The following METTL24 variants were observed in gnomAD, a reference collection of about 807,000 sequenced individuals.
The protein encoded by METTL24 is methyltransferase like 24.
Under a neutral mutation model 32.7 loss-of-function variants are expected in METTL24, and 29 were observed. That is an observed-to-expected ratio of 0.89 (90% CI 0.66 to 1.21). METTL24 has a LOEUF of 1.21. Ranked by LOEUF, METTL24 falls within the 50% of genes most tolerant of loss-of-function variation. The pLI is 0.00. For missense variants in METTL24, 439 were observed against 468.1 expected (o/e 0.94, Z 0.57); for synonymous variants, 163 against 179.5 (o/e 0.91, Z 0.73).
chr6:110,280,340 T>A (rs528567236), intron 4 of METTL24, among the ~76,000 whole-genome samples: 28 of 152,168 alleles, frequency 1.8e-4, no homozygotes, highest in Non-Finnish European at 3.5e-4. Flanking sequence ...ATCTTGGATA[T>A]TTTTCCATAT....
At chr6:110,357,517 C>G (rs1318314305) in intron 1 of METTL24, 1 of 152,368 alleles carries the variant, frequency 6.6e-6, no homozygotes, top group Non-Finnish European at 1.5e-5. Flanking sequence ...CACGGCGATA[C>G]CCACCCAACT....
At chr6:110,307,741 A>G (rs1307610132) in intron 3 of METTL24, among the ~76,000 whole-genome samples, 1 of 152,200 alleles carries the variant, frequency 6.6e-6, no homozygotes, top group African/African-American at 2.4e-5. Flanking sequence ...AGGGAGAATA[A>G]ATATTGAGGG....
At chr6:110,276,211 T>C (rs1407732396) in intron 4 of METTL24, among the ~76,000 whole-genome samples, 2 of 152,140 alleles carry the variant, frequency 1.3e-5, no homozygotes, top group East Asian at 1.9e-4. Flanking sequence ...GGCCCAAGGA[T>C]TGCATAAGGC....
chr6:110,297,234 T>C (rs1423247600), intron 4 of METTL24, among the ~76,000 whole-genome samples: 1 of 152,228 alleles, frequency 6.6e-6, no homozygotes, highest in African/African-American at 2.4e-5. Context: ...AAAGGTCTCA[T>C]GCTTTATCCT....
intron 4 of METTL24, among the ~76,000 whole-genome samples, chr6:110,268,770 A>T (rs1447481063): frequency 6.6e-6 from 1 of 152,136 alleles, no homozygotes; most frequent in Non-Finnish European, 1.5e-5. Context: ...ACATTTTATA[A>T]AACTCCATAC....
chr6:110,258,313 C>G (rs1562217502), intron 4 of METTL24, among the ~76,000 whole-genome samples: 1 of 152,150 alleles, frequency 6.6e-6, no homozygotes, highest in African/African-American at 2.4e-5. Flanking sequence ...ACATGATAGC[C>G]AAAAGCCATC....
rs138504328 is a variant in METTL24, at chr6:110,315,817, G to T, written c.418-336C>A. On this transcript the variant is annotated intron_variant, in intron 2 of 4. Transcript: ENST00000338882. ...TGTCAGGAAGCCTTTGTAGAGGGGT[G>T]CTAGTCCTGGAGGATGAACCGAGAG... 1.5e-3 allele frequency among the ~76,000 whole-genome samples: 227 copies of T among 152,310 alleles called. 2 individuals carry two copies. The highest frequency in any genetic ancestry group is 5.1e-3 in the African/African-American group (214 of 41,576).
intron 4 of METTL24, among the ~76,000 whole-genome samples, chr6:110,296,104 C>T (rs1771413732): frequency 1.3e-5 from 2 of 152,136 alleles, no homozygotes; most frequent in African/African-American, 2.4e-5. Context: ...GATTAATGAG[C>T]TTACATAGAG....
chr6:110,301,118 T>C (rs1771509802), intron 3 of METTL24, among the ~76,000 whole-genome samples: 1 of 152,174 alleles, frequency 6.6e-6, no homozygotes, highest in Non-Finnish European at 1.5e-5. Context: ...TCCGACTGCA[T>C]CCCATGGTAA....
At position 110,294,129 on chromosome 6, in the gene METTL24, A is replaced by AT. The variant is rs571425330; in HGVS notation, c.786+4792dup. On this transcript the variant is annotated intron_variant, in intron 4 of 4. Transcript: ENST00000338882. ...TCCATTGCTTTCTATTGCATTTTTT[A>AT]TTTTTTTTATGTTGCAGAGATAAGT... 7.2e-4 allele frequency among the ~76,000 whole-genome samples: 110 copies of AT among 151,882 alleles called. 1 individual carries two copies. In the East Asian group the frequency reaches 0.016, roughly 22 times the overall value.
intron 3 of METTL24, among the ~76,000 whole-genome samples, chr6:110,311,810 C>T (rs542694448): frequency 5.3e-5 from 8 of 152,202 alleles, no homozygotes; most frequent in South Asian, 2.1e-4. Flanking sequence ...TAATTTTCAA[C>T]GGTAAACATT....
At chr6:110,316,121 T>A (rs949932372) in intron 2 of METTL24, among the ~76,000 whole-genome samples, 3 of 152,196 alleles carry the variant, frequency 2.0e-5, no homozygotes, top group African/African-American at 7.2e-5. Flanking sequence ...TTCCTTGTGA[T>A]ACACTGCTCT....
intron 1 of METTL24, among the ~76,000 whole-genome samples, chr6:110,339,761 A>G (rs1772315479): frequency 6.6e-6 from 1 of 152,208 alleles, no homozygotes; most frequent in African/African-American, 2.4e-5. Context: ...TATATAACTG[A>G]CCAATTACTA....
At chr6:110,347,382 C>T (rs1312108560) in intron 1 of METTL24, among the ~76,000 whole-genome samples, 1 of 152,296 alleles carries the variant, frequency 6.6e-6, no homozygotes, top group African/African-American at 2.4e-5. Context: ...GTACAGTAGG[C>T]CTCTCCTACC....
intron 4 of METTL24, among the ~76,000 whole-genome samples, chr6:110,295,794 A>AAAGAAAGGAAGGAAGGAAGGAAGG (rs375674093): frequency 1.5e-5 from 2 of 136,322 alleles, no homozygotes; most frequent in African/African-American, 6.0e-5. Context: ...AGAAAGAAAG[A>AAAGAAAGGAAGGAAGGAAGGAAGG]AAGGAAGGAA....
chr6:110,269,370 TAA>T (rs1770913485), intron 4 of METTL24, among the ~76,000 whole-genome samples: 1 of 152,224 alleles, frequency 6.6e-6, no homozygotes, highest in African/African-American at 2.4e-5. Flanking sequence ...CGTCATTTTT[TAA>T]TACTCATGAA....
At chr6:110,252,491 C>T (rs181696852) in intron 4 of METTL24, among the ~76,000 whole-genome samples, 20 of 152,328 alleles carry the variant, frequency 1.3e-4, no homozygotes, top group African/African-American at 4.8e-4. Flanking sequence ...TCTCTAAATA[C>T]AGTCACACTG....
intron 1 of METTL24, among the ~76,000 whole-genome samples, chr6:110,339,083 C>T (rs1048763606): frequency 6.6e-6 from 1 of 152,152 alleles, no homozygotes. Flanking sequence ...TAAGTGCATT[C>T]CTCCTTATAG....
intron 3 of METTL24, among the ~76,000 whole-genome samples, chr6:110,299,647 T>A (rs982417233): frequency 6.6e-6 from 1 of 152,170 alleles, no homozygotes; most frequent in Non-Finnish European, 1.5e-5. Context: ...TATTTTTAAA[T>A]AGTGCAAATA....
Sources: allele counts gnomAD v4.1 joint callset (sites outside exome capture counted in the v4.1 genomes callset), GRCh38; gene constraint gnomAD v4.1.1; transcripts MANE v1.5; gene names NCBI Gene and HGNC (gene_info 2026-07-23, HGNC 2026-07-21).